CTNND2: variants seen among roughly 807,000 people sequenced by gnomAD.
The protein encoded by CTNND2 is catenin delta-2.
CTNND2 carries 22 observed loss-of-function variants against 144.4 expected under a neutral mutation model. The observed-to-expected ratio is 0.15, with a 90% CI of 0.11 to 0.22. The LOEUF is 0.22. CTNND2 is among the 10% of genes least tolerant of loss of function. The pLI is 1.00. For missense variants in CTNND2, 1,353 were observed against 1,618.8 expected (o/e 0.84, Z 2.82); for synonymous variants, 751 against 695.6 (o/e 1.08, Z -1.25).
chr5:11,658,874 C>T (rs973463824), intron 2 of CTNND2, among the ~76,000 whole-genome samples: 23 of 152,164 alleles, frequency 1.5e-4, no homozygotes, highest in African/African-American at 4.3e-4. Context: ...ACACAAATCA[C>T]GTTTTTATTT....
intron 3 of CTNND2, among the ~76,000 whole-genome samples, chr5:11,453,217 C>T (rs1355737415): frequency 6.6e-6 from 1 of 152,192 alleles, no homozygotes; most frequent in African/African-American, 2.4e-5. Context: ...TTAACAGACA[C>T]AACTATTCTA....
At chr5:11,047,892 G>A (rs979385664) in intron 16 of CTNND2, among the ~76,000 whole-genome samples, 6 of 152,156 alleles carry the variant, frequency 3.9e-5, no homozygotes, top group African/African-American at 1.2e-4. Context: ...GGACTCTCAG[G>A]TTTAAGTCCT....
intron 1 of CTNND2, among the ~76,000 whole-genome samples, chr5:11,737,703 C>G (rs774618662): frequency 6.6e-6 from 1 of 152,064 alleles, no homozygotes; most frequent in Non-Finnish European, 1.5e-5. Context: ...GGAGATGGAG[C>G]CTTTAGGGAG....
At position 11,384,509 on chromosome 5, in the gene CTNND2, C is replaced by T. The variant is rs1052586432; in HGVS notation, c.1177+156G>A. The T allele has an allele frequency of 1.2e-5, 8 of 649,336 alleles. No homozygotes were observed. The highest frequency in any genetic ancestry group is 3.7e-5 in the African/African-American group (2 of 54,658). The allele number at this position is 649,336 out of a possible 1,614,324, so 40.2% of individuals were successfully genotyped here. On this transcript the variant is annotated intron_variant, in intron 7 of 21. Coordinates refer to ENST00000304623, the MANE Select transcript of CTNND2 (RefSeq NM_001332.4). The surrounding 1 kb of genome is among the most constrained non-coding windows in gnomAD (Gnocchi z 5.2). ...TGACAAACTGTAGGGAAGATACTGA[C>T]TTGTTCCAGGAAAGCCCTGGCGTTC...
intron 3 of CTNND2, among the ~76,000 whole-genome samples, chr5:11,524,188 C>T (rs1032380032): frequency 6.6e-6 from 1 of 152,136 alleles, no homozygotes; most frequent in Non-Finnish European, 1.5e-5. Flanking sequence ...CACCTGTGAC[C>T]TCCACCTTCC....
At chr5:11,196,618 G>T (rs2021848) in intron 11 of CTNND2, among the ~76,000 whole-genome samples, 5,063 of 152,338 alleles carry the variant, frequency 0.033, 134 homozygotes, top group South Asian at 0.054. Flanking sequence ...TGCGACAAAA[G>T]ACGTGAAGCC....
chr5:11,561,419 G>T (rs1776674184), intron 3 of CTNND2, among the ~76,000 whole-genome samples: 1 of 152,160 alleles, frequency 6.6e-6, no homozygotes, highest in African/African-American at 2.4e-5. Flanking sequence ...CTAATAAAAA[G>T]CACCAATAAC....
chr5:11,633,822 T>G (rs1157092014), intron 2 of CTNND2, among the ~76,000 whole-genome samples: 1 of 151,674 alleles, frequency 6.6e-6, no homozygotes, highest in African/African-American at 2.4e-5. Flanking sequence ...CGTAGATCAG[T>G]AGGCTACACT....
At chr5:11,198,624 G>T (rs1737108091) in intron 11 of CTNND2, among the ~76,000 whole-genome samples, 1 of 152,230 alleles carries the variant, frequency 6.6e-6, no homozygotes, top group African/African-American at 2.4e-5. Context: ...CAATCCATTT[G>T]CTAAATACTT....
Position 11,382,645 on chromosome 5 carries a change from GTA to G in CTNND2, c.1177+2018_1177+2019del, listed in dbSNP as rs1244530243. Among the ~76,000 whole-genome samples the G allele has an allele frequency of 9.4e-3, 1,321 of 139,890 alleles. 30 individuals carry two copies. The highest frequency in any genetic ancestry group is 0.033 in the African/African-American group (1,240 of 37,344). The allele number at this position is 139,890 out of a possible 152,430, so 91.8% of individuals were successfully genotyped here. A position where few individuals can be genotyped will look rare whatever the true frequency, so the allele number is the denominator to read the frequency against. On this transcript the variant is annotated intron_variant, in intron 7 of 21. Transcript: ENST00000304623. ...TGTGTGTGTGTGTGTGTGTGTGTGT[GTA>G]GAATGATGAATTAGTGAAAGTCACT...
At chr5:11,763,803 T>C (rs1581843442) in intron 1 of CTNND2, among the ~76,000 whole-genome samples, 1 of 152,248 alleles carries the variant, frequency 6.6e-6, no homozygotes, top group East Asian at 1.9e-4. Flanking sequence ...AGTAGCTGGT[T>C]TCCCTGTTTT....
At chr5:11,250,491 C>CTATATATATATATATATA (rs1285130441) in intron 9 of CTNND2, among the ~76,000 whole-genome samples, 2 of 64,108 alleles carry the variant, frequency 3.1e-5, no homozygotes, top group Non-Finnish European at 5.0e-5. Context: ...CTCTCTCTCT[C>CTATATATATATATATATA]TATATATATA....
chr5:11,615,648 T>C (rs1034112831), intron 2 of CTNND2, among the ~76,000 whole-genome samples: 1 of 152,190 alleles, frequency 6.6e-6, no homozygotes, highest in Non-Finnish European at 1.5e-5. Context: ...TCACATGAGT[T>C]GGAGGACAGG....
chr5:10,974,107 C>T (rs1052556860), intron 21 of CTNND2, among the ~76,000 whole-genome samples: 1 of 152,178 alleles, frequency 6.6e-6, no homozygotes, highest in African/African-American at 2.4e-5. Context: ...ATTCCTCATC[C>T]CCTCTCTCTC....
intron 3 of CTNND2, among the ~76,000 whole-genome samples, chr5:11,518,376 TGAAAA>T (rs1772388507): frequency 1.3e-5 from 2 of 152,158 alleles, no homozygotes; most frequent in African/African-American, 4.8e-5. Flanking sequence ...AGTCAAAAAG[TGAAAA>T]GAAATTTAAG....
intron 1 of CTNND2, among the ~76,000 whole-genome samples, chr5:11,896,066 A>T (rs1737371245): frequency 6.6e-6 from 1 of 152,150 alleles, no homozygotes; most frequent in Non-Finnish European, 1.5e-5. Flanking sequence ...CCTTGAAAAC[A>T]TCCAGTTCTA....
intron 1 of CTNND2, among the ~76,000 whole-genome samples, chr5:11,746,866 C>T (rs990990879): frequency 6.6e-6 from 1 of 152,138 alleles, no homozygotes; most frequent in African/African-American, 2.4e-5. Context: ...AACACTGGCA[C>T]ATAAATGTCC....
At chr5:11,605,780 TGCTAAAATACA>T (rs1022896899) in intron 2 of CTNND2, among the ~76,000 whole-genome samples, 1 of 152,100 alleles carries the variant, frequency 6.6e-6, no homozygotes, top group Admixed American at 6.6e-5. Flanking sequence ...AAGAAAAGTG[TGCTAAAATACA>T]GCTAAGAGGA....
chr5:11,213,801 C>T lies in CTNND2; in HGVS notation c.1762-14140G>A, dbSNP rs186597316. On this transcript the variant is annotated intron_variant, in intron 10 of 21. Coordinates refer to ENST00000304623, the MANE Select transcript of CTNND2 (RefSeq NM_001332.4). Reference sequence around the variant, plus strand: ...TAGTACTGCTATGTTACACGCATGCCGATAATTTTATATGCACATATATAT... The same window carrying T: ...TAGTACTGCTATGTTACACGCATGCTGATAATTTTATATGCACATATATAT... Among the ~76,000 whole-genome samples, 28 of 148,762 alleles carry T rather than the reference C, an allele frequency of 1.9e-4. No individual in the cohort carries two copies. In the South Asian group the frequency reaches 2.9e-3, roughly 15 times the overall value.
Sources: allele counts gnomAD v4.1 joint callset (sites outside exome capture counted in the v4.1 genomes callset), GRCh38; gene constraint gnomAD v4.1.1; non-coding constraint Gnocchi (gnomAD v3.1); transcripts MANE v1.5; gene names NCBI Gene and HGNC (gene_info 2026-07-23, HGNC 2026-07-21).